Variants in RAB6A observed in about 807,000 individuals in gnomAD.
RAB6A encodes the protein ras-related protein Rab-6A.
RAB6A carries 8 observed loss-of-function variants against 32.3 expected under a neutral mutation model. The ratio of observed to expected loss-of-function variants is 0.25; its 90% confidence interval spans 0.15 to 0.45. The LOEUF (loss-of-function observed/expected upper bound fraction) is 0.45. Among genes scored for constraint, RAB6A ranks in the 20% least tolerant of loss-of-function variants. RAB6A has a pLI of 1.00. For synonymous variants in RAB6A, 73 were observed against 82.1 expected (o/e 0.89, Z 0.60); for missense variants, 104 against 249.4 (o/e 0.42, Z 3.93).
intron 1 of RAB6A, chr11:73,760,051 C>T: frequency 7.8e-7 from 1 of 1,289,534 alleles, no homozygotes; most frequent in Non-Finnish European, 1.0e-6. Context: ...TTCCCACCTT[C>T]CACGACATCA....
intron 1 of RAB6A, among the ~76,000 whole-genome samples, chr11:73,743,088 G>A (rs1354828357): frequency 2.0e-5 from 3 of 151,922 alleles, no homozygotes; most frequent in African/African-American, 4.8e-5. Context: ...CAGATCACTC[G>A]AGTTTGAGAC....
chr11:73,698,311 G>A (rs904849836), intron 6 of RAB6A, among the ~76,000 whole-genome samples: 1 of 152,202 alleles, frequency 6.6e-6, no homozygotes, highest in African/African-American at 2.4e-5. Context: ...AAATTTGAGA[G>A]AGGCAGAATA....
intron 2 of RAB6A, among the ~76,000 whole-genome samples, chr11:73,726,959 T>C (rs930068813): frequency 2.0e-5 from 3 of 152,064 alleles, no homozygotes; most frequent in African/African-American, 7.2e-5. Context: ...TCTGAGATTA[T>C]GGAAACGAAA....
At chr11:73,739,155 GA>G (rs572288174) in intron 1 of RAB6A, among the ~76,000 whole-genome samples, 140 of 144,114 alleles carry the variant, frequency 9.7e-4, no homozygotes, top group Non-Finnish European at 1.7e-3. Flanking sequence ...TGAGGCACAA[GA>G]ATCGCTTGAA....
intron 2 of RAB6A, among the ~76,000 whole-genome samples, chr11:73,726,987 G>A (rs1350479765): frequency 6.6e-6 from 1 of 152,180 alleles, no homozygotes. Flanking sequence ...GAGGCTAGCA[G>A]ATTGTCTATG....
intron 1 of RAB6A, chr11:73,760,076 C>T: frequency 7.8e-7 from 1 of 1,290,090 alleles, no homozygotes; most frequent in Non-Finnish European, 1.0e-6. Flanking sequence ...TTCGCAGGGC[C>T]AAGCCTCTGG....
chr11:73,711,349 T>C (rs922051871), intron 5 of RAB6A, among the ~76,000 whole-genome samples: 2 of 152,208 alleles, frequency 1.3e-5, no homozygotes, highest in Non-Finnish European at 2.9e-5. Flanking sequence ...TTAAGTAAAC[T>C]GTACCATATG....
At chr11:73,714,988 AG>A (rs1387923211) in intron 5 of RAB6A, among the ~76,000 whole-genome samples, 2 of 152,202 alleles carry the variant, frequency 1.3e-5, no homozygotes, top group Non-Finnish European at 2.9e-5. Context: ...GTACCTACAA[AG>A]TCTCTAGAGT....
chr11:73,735,470 G>A (rs1013761034), intron 1 of RAB6A, among the ~76,000 whole-genome samples: 1 of 152,174 alleles, frequency 6.6e-6, no homozygotes, highest in Non-Finnish European at 1.5e-5. Flanking sequence ...TTACTGCAGA[G>A]TGATAAAAAG....
chr11:73,719,333 A>G (rs1252893381), intron 3 of RAB6A, among the ~76,000 whole-genome samples: 1 of 152,248 alleles, frequency 6.6e-6, no homozygotes, highest in Admixed American at 6.5e-5. Context: ...GCTTCTCTCA[A>G]GCTAAAATGT....
At chr11:73,713,438 C>T (rs779041862) in intron 5 of RAB6A, among the ~76,000 whole-genome samples, 10 of 151,968 alleles carry the variant, frequency 6.6e-5, no homozygotes, top group Non-Finnish European at 1.2e-4. Context: ...GGCATGCTGG[C>T]GGGTGCCTAG....
chr11:73,740,132 C>T (rs1946471612), intron 1 of RAB6A, among the ~76,000 whole-genome samples: 1 of 151,688 alleles, frequency 6.6e-6, no homozygotes, highest in South Asian at 2.1e-4. Context: ...TTCTGACCTG[C>T]TTCATAATTC....
At chr11:73,742,417 C>T (rs1276484002) in intron 1 of RAB6A, among the ~76,000 whole-genome samples, 1 of 152,162 alleles carries the variant, frequency 6.6e-6, no homozygotes, top group Non-Finnish European at 1.5e-5. Context: ...GGATTACAGG[C>T]GTGATCCACC....
intron 1 of RAB6A, among the ~76,000 whole-genome samples, chr11:73,754,306 G>GTT (rs1311805332): frequency 6.6e-6 from 1 of 152,226 alleles, no homozygotes; most frequent in Non-Finnish European, 1.5e-5. Context: ...TAACCCAGCA[G>GTT]TTTACAAAGA....
intron 6 of RAB6A, among the ~76,000 whole-genome samples, chr11:73,688,782 T>A (rs1192438581): frequency 6.6e-6 from 1 of 152,232 alleles, no homozygotes; most frequent in Non-Finnish European, 1.5e-5. Flanking sequence ...CCCTTCCAGG[T>A]TCTCCCAATC....
intron 1 of RAB6A, among the ~76,000 whole-genome samples, chr11:73,738,911 T>G (rs1269371501): frequency 6.6e-6 from 1 of 151,928 alleles, no homozygotes; most frequent in Non-Finnish European, 1.5e-5. Context: ...GCCACTGCAC[T>G]CCAGCTTGGG....
chr11:73,730,830 T>A lies in RAB6A; in HGVS notation c.71-7A>T, dbSNP rs756359334. 6.3e-6 allele frequency: 10 copies of A among 1,593,120 alleles called. No individual in the cohort carries two copies. In the Admixed American group the frequency reaches 1.1e-4, roughly 18 times the overall value. On this transcript the variant is annotated splice_polypyrimidine_tract_variant and splice_region_variant and intron_variant, in intron 1 of 7. Coordinates refer to ENST00000336083, the MANE Select transcript of RAB6A (RefSeq NM_198896.2). Reference sequence around the variant, plus strand: ...ATCAAAGATGTCTTTCCAACTGAAATGAAACGAAAAAAAGATTTGCTCAGT... The same window carrying A: ...ATCAAAGATGTCTTTCCAACTGAAAAGAAACGAAAAAAAGATTTGCTCAGT...
At chr11:73,736,094 C>T (rs757817202) in intron 1 of RAB6A, among the ~76,000 whole-genome samples, 2 of 151,548 alleles carry the variant, frequency 1.3e-5, no homozygotes, top group Non-Finnish European at 2.9e-5. Context: ...GAGTAGCAGA[C>T]GATACAGGTG....
chr11:73,685,939 C>CTG (rs1018832437), intron 6 of RAB6A, among the ~76,000 whole-genome samples: 3 of 140,986 alleles, frequency 2.1e-5, no homozygotes, highest in Admixed American at 1.4e-4. Context: ...GACAATAACT[C>CTG]TATCAGAGAT....
Sources: allele counts gnomAD v4.1 joint callset (sites outside exome capture counted in the v4.1 genomes callset), GRCh38; gene constraint gnomAD v4.1.1; transcripts MANE v1.5; gene names NCBI Gene and HGNC (gene_info 2026-07-23, HGNC 2026-07-21).